Variants in NPAT observed in about 807,000 individuals in gnomAD.
NPAT encodes protein NPAT.
NPAT carries 52 observed loss-of-function variants against 130.7 expected under a neutral mutation model. The ratio of observed to expected loss-of-function variants is 0.40; its 90% confidence interval spans 0.32 to 0.50. The LOEUF is 0.50. Ranked by LOEUF, NPAT falls within the 20% of genes least tolerant of loss-of-function variation. The probability of loss-of-function intolerance (pLI) is 0.68; values close to 1 mark genes in which losing one functional copy is unlikely to be tolerated. For synonymous variants in NPAT, 580 were observed against 584.8 expected, an observed-to-expected ratio of 0.99 and a Z score of 0.12; for missense variants, 1,687 against 1,662.6, an observed-to-expected ratio of 1.01 and a Z score of -0.26.
At chr11:108,174,156 AT>A (rs1314068580) in intron 12 of NPAT, among the ~76,000 whole-genome samples, 1 of 152,230 alleles carries the variant, frequency 6.6e-6, no homozygotes, top group Non-Finnish European at 1.5e-5. Flanking sequence ...GGCTCCAAAA[AT>A]GAAGTTTATT....
chr11:108,177,720 T>A (rs982493862), intron 10 of NPAT, among the ~76,000 whole-genome samples: 1 of 35,348 alleles, frequency 2.8e-5, no homozygotes, highest in African/African-American at 6.3e-5. Flanking sequence ...TAAAGTTCCC[T>A]TTTTTTTTGT....
intron 10 of NPAT, among the ~76,000 whole-genome samples, chr11:108,177,963 C>T (rs976609025): frequency 2.0e-5 from 3 of 152,236 alleles, no homozygotes; most frequent in Middle Eastern, 3.4e-3. Context: ...TCATGCGATC[C>T]GCCCACCTCG....
chr11:108,173,949 C>T (rs2077980683), intron 12 of NPAT, 98 bp from the exon 13 acceptor site: 1 of 987,816 alleles, frequency 1.0e-6, no homozygotes. Context: ...GAAAATAACT[C>T]ATCTTTGCAT....
intron 1 of NPAT, among the ~76,000 whole-genome samples, chr11:108,203,905 T>C (rs1025219331): frequency 1.3e-5 from 2 of 152,232 alleles, no homozygotes. Context: ...TACACATATT[T>C]GGTCCATGTA....
Position 108,158,738 on chromosome 11 carries a change from T to C in NPAT, c.*204A>G. The C allele has an allele frequency of 2.0e-6, 1 of 508,236 alleles. No individual in the cohort carries two copies. 31.5% of individuals were successfully genotyped at this position (508,236 alleles called of 1,614,324 possible). On this transcript the variant is annotated 3_prime_UTR_variant, in exon 18 of 18. Transcript: ENST00000278612. ...CTTTACTTACATTTCTGCAAACGTT[T>C]TTCCCAAAATAAAAATATACCAAGT...
At chr11:108,179,781 T>C (rs1216612473) in intron 10 of NPAT, among the ~76,000 whole-genome samples, 1 of 151,864 alleles carries the variant, frequency 6.6e-6, no homozygotes, top group African/African-American at 2.4e-5. Context: ...AGACCTCACC[T>C]CTATAAATAG....
At chr11:108,162,947 C>T (rs1041949143) in intron 15 of NPAT, among the ~76,000 whole-genome samples, 2 of 152,150 alleles carry the variant, frequency 1.3e-5, no homozygotes, top group Non-Finnish European at 1.5e-5. Context: ...CCACGAGCTT[C>T]AGCATTTATG....
chr11:108,202,347 C>T (rs2078282566), intron 1 of NPAT, among the ~76,000 whole-genome samples: 1 of 152,086 alleles, frequency 6.6e-6, no homozygotes, highest in Non-Finnish European at 1.5e-5. Flanking sequence ...GCTAAGTCGG[C>T]AGCAAGAGGG....
intron 2 of NPAT, among the ~76,000 whole-genome samples, chr11:108,195,037 T>C (rs1297642715): frequency 2.0e-5 from 3 of 152,026 alleles, no homozygotes; most frequent in African/African-American, 7.2e-5. Context: ...TTGGCCAGGA[T>C]GGTCTTGAAC....
At chr11:108,184,360 T>C (rs2078084432) in intron 10 of NPAT, among the ~76,000 whole-genome samples, 1 of 151,432 alleles carries the variant, frequency 6.6e-6, no homozygotes, top group Non-Finnish European at 1.5e-5. Context: ...TAGTCCCAGC[T>C]ACTCAGGAGG....
chr11:108,218,228 C>T (rs537989828), intron 1 of NPAT, among the ~76,000 whole-genome samples: 1 of 152,136 alleles, frequency 6.6e-6, no homozygotes, highest in African/African-American at 2.4e-5. Context: ...TTATCTTCAG[C>T]CTACTTTTAT....
chr11:108,205,472 T>TA (rs1474060334), intron 1 of NPAT, among the ~76,000 whole-genome samples: 1 of 152,114 alleles, frequency 6.6e-6, no homozygotes, highest in Non-Finnish European at 1.5e-5. Context: ...CACTATATGT[T>TA]GCCTAGATAG....
At chr11:108,176,901 G>T in intron 11 of NPAT, 93 bp downstream of exon 11, 2 of 771,720 alleles carry the variant, frequency 2.6e-6, no homozygotes, top group South Asian at 1.5e-5. Flanking sequence ...AACTTTTTTA[G>T]ATACTCTGGG....
chr11:108,197,248 G>T, intron 2 of NPAT, 54 bp downstream of exon 2: 1 of 1,212,858 alleles, frequency 8.2e-7, no homozygotes, highest in Non-Finnish European at 1.2e-6. Context: ...TTATGACTAT[G>T]TTTTTAGTCT....
Position 108,176,349 on chromosome 11 carries a change from T to C in NPAT, c.1029A>G (p.Ile343Met). 1 of 1,553,598 alleles carries C rather than the reference T, an allele frequency of 6.4e-7. No homozygotes were observed. Among genetic ancestry groups the C allele is most frequent in the Non-Finnish European group, 8.9e-7 (1 of 1,125,482 alleles). Residue 343 changes from isoleucine (I) to methionine (M), a missense_variant, in exon 12 of 18, where the codon ATA becomes ATG. This residue lies in a region of NPAT where 1,379 missense variants were observed against 1,346.6 expected (regional missense o/e 1.02). Transcript: ENST00000278612. ...DYGKTKNNKN[I>M]SQSISSQPME... is the part of the protein sequence containing the mutation. ...TAGGTTGACTGGAAATACTTTGTGA[T>C]ATATTTTTATTATTCTTTGTTTTGC...
chr11:108,208,254 G>T (rs1435417602), intron 1 of NPAT, among the ~76,000 whole-genome samples: 1 of 152,098 alleles, frequency 6.6e-6, no homozygotes, highest in East Asian at 1.9e-4. Context: ...CTCAAAGTAG[G>T]TATTAAGACA....
intron 4 of NPAT, 69 bp downstream of exon 4, chr11:108,192,049 T>G: frequency 9.6e-7 from 1 of 1,040,244 alleles, no homozygotes. Context: ...TGTGTAGGTC[T>G]TAAGAAGATT....
intron 15 of NPAT, among the ~76,000 whole-genome samples, chr11:108,163,979 T>C (rs1423594789): frequency 6.6e-6 from 1 of 152,098 alleles, no homozygotes; most frequent in African/African-American, 2.4e-5. Flanking sequence ...TTGAAACATA[T>C]ATAGAAGATA....
intron 10 of NPAT, among the ~76,000 whole-genome samples, chr11:108,177,668 T>C (rs1201723708): frequency 2.6e-5 from 4 of 152,150 alleles, no homozygotes; most frequent in Admixed American, 1.3e-4. Context: ...TAAAATGATA[T>C]AAAATGAATA....
Sources: allele counts gnomAD v4.1 joint callset (sites outside exome capture counted in the v4.1 genomes callset), GRCh38; gene constraint gnomAD v4.1.1; regional missense constraint gnomAD v4.1.1; transcripts MANE v1.5; gene names NCBI Gene and HGNC (gene_info 2026-07-23, HGNC 2026-07-21).